Variants in RBFOX1 observed in about 807,000 individuals in gnomAD.
RBFOX1 encodes RNA binding fox-1 homolog 1.
Under a neutral mutation model 57.7 loss-of-function variants are expected in RBFOX1, and 8 were observed. The ratio of observed to expected loss-of-function variants is 0.14; its 90% CI spans 0.08 to 0.25. The LOEUF (loss-of-function observed/expected upper bound fraction) is 0.25. Among genes scored for constraint, RBFOX1 ranks in the 10% least tolerant of loss-of-function variants. RBFOX1 has a pLI of 1.00. For synonymous variants in RBFOX1, 326 were observed against 222.4 expected, an observed-to-expected ratio of 1.47 and a Z score of -4.15; for missense variants, 611 against 548.5, an observed-to-expected ratio of 1.11 and a Z score of -1.14.
intron 1 of RBFOX1, among the ~76,000 whole-genome samples, chr16:5,261,305 T>C (rs2062725491): frequency 6.6e-6 from 1 of 152,190 alleles, no homozygotes; most frequent in South Asian, 2.1e-4. Context: ...TGGCCTTTTG[T>C]CATGGTCATT....
At chr16:7,125,459 AT>A (rs968982326) in intron 4 of RBFOX1, among the ~76,000 whole-genome samples, 7 of 152,236 alleles carry the variant, frequency 4.6e-5, no homozygotes, top group African/African-American at 1.7e-4. Context: ...TCTGTTAAAA[AT>A]TTCAAACCTG....
At chr16:5,610,817 A>G in intron 3 of RBFOX1, 1 of 152,284 alleles carries the variant, frequency 6.6e-6, no homozygotes, top group East Asian at 1.9e-4. Flanking sequence ...GCAGTAAGCT[A>G]TGATTGCAGC....
At chr16:5,807,719 T>C (rs2055279199) in intron 3 of RBFOX1, among the ~76,000 whole-genome samples, 1 of 152,142 alleles carries the variant, frequency 6.6e-6, no homozygotes. Context: ...CATCGGTGCA[T>C]CACAAACTTT....
intron 4 of RBFOX1, among the ~76,000 whole-genome samples, chr16:7,115,057 T>A (rs1255849748): frequency 1.3e-5 from 2 of 152,214 alleles, no homozygotes; most frequent in Non-Finnish European, 2.9e-5. Context: ...TCACTGAGTT[T>A]GTGTTTGAAA....
intron 3 of RBFOX1, among the ~76,000 whole-genome samples, chr16:6,838,894 C>A (rs1307002139): frequency 1.3e-5 from 2 of 151,962 alleles, no homozygotes; most frequent in Admixed American, 1.3e-4. Flanking sequence ...AAAAAGGATT[C>A]TTCATTATTA....
chr16:5,372,870 G>C (rs2065894857), intron 1 of RBFOX1, among the ~76,000 whole-genome samples: 1 of 152,140 alleles, frequency 6.6e-6, no homozygotes, highest in Non-Finnish European at 1.5e-5. Flanking sequence ...GATCCTTTTT[G>C]AATCAAAACA....
intron 3 of RBFOX1, among the ~76,000 whole-genome samples, chr16:5,820,517 C>T (rs1184459947): frequency 6.6e-6 from 1 of 152,104 alleles, no homozygotes; most frequent in Non-Finnish European, 1.5e-5. Context: ...GGGAGGGGAA[C>T]CCACCCCAGC....
chr16:7,214,672 C>A (rs558530653), intron 4 of RBFOX1, among the ~76,000 whole-genome samples: 1 of 152,198 alleles, frequency 6.6e-6, no homozygotes, highest in East Asian at 1.9e-4. Context: ...CTGAGCCCTG[C>A]ACATAAAATC....
chr16:6,360,881 T>G (rs2088353735), intron 2 of RBFOX1, among the ~76,000 whole-genome samples: 1 of 152,188 alleles, frequency 6.6e-6, no homozygotes, highest in Admixed American at 6.5e-5. Context: ...TTGGAGACCC[T>G]GAGTTTCTTG....
intron 4 of RBFOX1, among the ~76,000 whole-genome samples, chr16:7,466,801 A>G (rs2060602543): frequency 6.6e-6 from 1 of 152,216 alleles, no homozygotes; most frequent in Non-Finnish European, 1.5e-5. Flanking sequence ...CTCTGATTAT[A>G]TACACAATGC....
rs537100237 is a variant in RBFOX1, at chr16:6,554,001, C to T, written c.-63-100602C>T. ...TTTGGAAACCCCAGGGTCTGGCAGA[C>T]ATATTAGGGATGAATAAATGTGTTT... On this transcript the variant is annotated intron_variant, in intron 2 of 15. Transcript: ENST00000550418. 7.9e-5 allele frequency among the ~76,000 whole-genome samples: 12 copies of T among 152,018 alleles called. No individual in the cohort carries two copies. The South Asian group carries it at 2.1e-3, about 26-fold the overall frequency.
At chr16:5,892,708 A>G (rs1377039593) in intron 4 of RBFOX1, among the ~76,000 whole-genome samples, 1 of 152,220 alleles carries the variant, frequency 6.6e-6, no homozygotes, top group East Asian at 1.9e-4. Flanking sequence ...AAGTCAAGAT[A>G]TGCAGCACTC....
At chr16:7,541,871 T>C (rs1369597994) in intron 5 of RBFOX1, among the ~76,000 whole-genome samples, 1 of 152,204 alleles carries the variant, frequency 6.6e-6, no homozygotes, top group African/African-American at 2.4e-5. Context: ...TTAAGAAATC[T>C]CCCAGGCCAT....
At chr16:7,620,766 TGAGA>T (rs2059189212) in intron 10 of RBFOX1, among the ~76,000 whole-genome samples, 1 of 152,192 alleles carries the variant, frequency 6.6e-6, no homozygotes, top group South Asian at 2.1e-4. Flanking sequence ...GGTGTAGCTT[TGAGA>T]GAGAGTGTCT....
chr16:5,512,188 C>G (rs183968757), intron 2 of RBFOX1, among the ~76,000 whole-genome samples: 13 of 152,186 alleles, frequency 8.5e-5, no homozygotes, highest in East Asian at 5.8e-4. Context: ...GGAGTTTGCA[C>G]GAGGGTGAGC....
At chr16:6,824,983 G>GTTTTTTTGTTTTTTTTT (rs2091916629) in intron 3 of RBFOX1, among the ~76,000 whole-genome samples, 2 of 36,878 alleles carry the variant, frequency 5.4e-5, no homozygotes, top group African/African-American at 7.2e-5. Flanking sequence ...TTCTTTCTTG[G>GTTTTTTTGTTTTTTTTT]TTTTTTTTTT....
intron 3 of RBFOX1, among the ~76,000 whole-genome samples, chr16:6,890,720 G>C (rs907074895): frequency 2.0e-5 from 3 of 152,174 alleles, no homozygotes; most frequent in Non-Finnish European, 1.5e-5. Flanking sequence ...CATATTCCAA[G>C]TGGAGAAGAA....
chr16:6,628,815 T>C (rs1337603340), intron 2 of RBFOX1, among the ~76,000 whole-genome samples: 3 of 152,166 alleles, frequency 2.0e-5, no homozygotes, highest in African/African-American at 7.2e-5. Context: ...TCTGTATGTT[T>C]ATTAGAAAAA....
At chr16:5,532,980 C>T (rs1261117875) in intron 2 of RBFOX1, among the ~76,000 whole-genome samples, 1 of 152,070 alleles carries the variant, frequency 6.6e-6, no homozygotes, top group East Asian at 1.9e-4. Flanking sequence ...GGGGCTAGAG[C>T]ATATAAAATA....
Sources: allele counts gnomAD v4.1 joint callset (sites outside exome capture counted in the v4.1 genomes callset), GRCh38; gene constraint gnomAD v4.1.1; transcripts MANE v1.5; gene names NCBI Gene and HGNC (gene_info 2026-07-23, HGNC 2026-07-21).